The following GRIP1 variants were observed in gnomAD, a reference collection of about 807,000 sequenced individuals.
GRIP1 encodes glutamate receptor interacting protein 1.
Under a neutral mutation model 129.9 loss-of-function variants are expected in GRIP1, and 45 were observed. The ratio of observed to expected loss-of-function variants is 0.35; its 90% CI spans 0.27 to 0.44. The LOEUF (loss-of-function observed/expected upper bound fraction) is 0.44, where lower values mean the gene tolerates loss of function less well. GRIP1 is among the 20% of genes least tolerant of loss of function. The probability of loss-of-function intolerance (pLI) is 1.00; values close to 1 mark genes in which losing one functional copy is unlikely to be tolerated. For missense variants in GRIP1, 1,196 were observed against 1,396.8 expected, an observed-to-expected ratio of 0.86 and a Z score of 2.29; for synonymous variants, 530 against 520.8, an observed-to-expected ratio of 1.02 and a Z score of -0.24.
chr12:66,545,186 T>C (rs966550151), intron 2 of GRIP1, among the ~76,000 whole-genome samples: 2 of 152,164 alleles, frequency 1.3e-5, no homozygotes, highest in Non-Finnish European at 2.9e-5. Context: ...AAATAAATGG[T>C]ATAGGTTTAC....
chr12:66,545,685 A>C (rs1565848210), intron 2 of GRIP1, among the ~76,000 whole-genome samples: 1 of 152,226 alleles, frequency 6.6e-6, no homozygotes, highest in Admixed American at 6.5e-5. Flanking sequence ...TTGGAGATAC[A>C]ACACTGAACA....
Position 66,381,817 on chromosome 12 carries a change from T to C in GRIP1, c.2465-2381A>G, listed in dbSNP as rs183463127. Reference sequence around the variant, plus strand: ...CTTAATAAGCACTATTAAATGATTATTGCATTACAACAAAGCAGAGAAAGA... The same window carrying C: ...CTTAATAAGCACTATTAAATGATTACTGCATTACAACAAAGCAGAGAAAGA... On this transcript the variant is annotated intron_variant, in intron 19 of 24. Transcript: ENST00000359742. Among the ~76,000 whole-genome samples the C allele has an allele frequency of 1.7e-3, 264 of 152,332 alleles. 3 individuals carry two copies. The highest frequency in any genetic ancestry group is 0.013 in the Admixed American group (193 of 15,298).
intron 1 of GRIP1, among the ~76,000 whole-genome samples, chr12:66,949,926 G>A (rs142359945): frequency 0.012 from 1,883 of 151,832 alleles, 44 homozygotes; most frequent in African/African-American, 0.043. Flanking sequence ...CCGCCACCAC[G>A]CCCGGCTAAT....
At chr12:67,038,374 C>T (rs1019820835) in intron 1 of GRIP1, among the ~76,000 whole-genome samples, 1 of 152,140 alleles carries the variant, frequency 6.6e-6, no homozygotes, top group Non-Finnish European at 1.5e-5. Flanking sequence ...AAACTGAATT[C>T]CAATTGGTGT....
chr12:66,587,466 G>C (rs548720038), intron 2 of GRIP1, among the ~76,000 whole-genome samples: 2 of 152,360 alleles, frequency 1.3e-5, no homozygotes, highest in African/African-American at 2.4e-5. Flanking sequence ...CCTTAGGCCA[G>C]GCATTCAATG....
At chr12:67,057,319 C>A (rs1050664028) in intron 1 of GRIP1, among the ~76,000 whole-genome samples, 2 of 151,984 alleles carry the variant, frequency 1.3e-5, no homozygotes, top group African/African-American at 2.4e-5. Context: ...CTCTGCACTA[C>A]ACCTACCAAG....
rs569801376 is a variant in GRIP1 at position 66,574,730 on chromosome 12, A to G, written c.136+22117T>C. On this transcript the variant is annotated intron_variant, in intron 2 of 24. Coordinates refer to ENST00000359742, the MANE Select transcript of GRIP1 (RefSeq NM_001366722.1). ...CCAGTTCTGCCCACTTTCATGGTCA[A>G]CTCCACTCTACTTGTCCTCTTGCAG... is the stretch of plus-strand genomic sequence containing the variant. Among the ~76,000 whole-genome samples, 10 of 150,164 alleles carry G rather than the reference A, an allele frequency of 6.7e-5. No individual in the cohort carries two copies. The East Asian group carries it at 1.4e-3, about 21-fold the overall frequency.
At chr12:66,443,989 T>C (rs957308647) in intron 13 of GRIP1, among the ~76,000 whole-genome samples, 1 of 152,224 alleles carries the variant, frequency 6.6e-6, no homozygotes, top group African/African-American at 2.4e-5. Context: ...CTGAAGAATA[T>C]GGTTTCTCTA....
intron 1 of GRIP1, among the ~76,000 whole-genome samples, chr12:66,633,601 T>G (rs1320264610): frequency 6.6e-6 from 1 of 152,136 alleles, no homozygotes; most frequent in Non-Finnish European, 1.5e-5. Flanking sequence ...TTTTAGTCAG[T>G]AAAGACATGG....
intron 1 of GRIP1, among the ~76,000 whole-genome samples, chr12:66,621,397 T>C (rs972275691): frequency 6.6e-6 from 1 of 152,332 alleles, no homozygotes; most frequent in South Asian, 2.1e-4. Flanking sequence ...CTTAGCATAA[T>C]GTCTTCCAAG....
intron 19 of GRIP1, among the ~76,000 whole-genome samples, chr12:66,391,838 G>A (rs1264889226): frequency 6.6e-6 from 1 of 151,958 alleles, no homozygotes; most frequent in Non-Finnish European, 1.5e-5. Context: ...GTGACAGAGT[G>A]AGACCCAGTC....
intron 2 of GRIP1, among the ~76,000 whole-genome samples, chr12:66,566,617 T>C (rs550444567): frequency 6.6e-6 from 1 of 152,312 alleles, no homozygotes; most frequent in South Asian, 2.1e-4. Flanking sequence ...GGCTTTGGTA[T>C]CAGGATGATG....
intron 1 of GRIP1, among the ~76,000 whole-genome samples, chr12:66,872,884 G>C (rs997561781): frequency 2.2e-4 from 33 of 152,056 alleles, no homozygotes; most frequent in Admixed American, 1.8e-3. Flanking sequence ...TCAGGAAATT[G>C]GATGGGACAC....
At chr12:66,904,974 C>T (rs2040906935) in intron 1 of GRIP1, among the ~76,000 whole-genome samples, 1 of 152,080 alleles carries the variant, frequency 6.6e-6, no homozygotes, top group Admixed American at 6.6e-5. Flanking sequence ...AGATTGGCTA[C>T]TTCTATGGTG....
chr12:66,686,055 T>C (rs1417075116), intron 1 of GRIP1, among the ~76,000 whole-genome samples: 1 of 152,200 alleles, frequency 6.6e-6, no homozygotes, highest in Admixed American at 6.5e-5. Flanking sequence ...AGGACGCTCA[T>C]AAATTACTTT....
At chr12:66,831,614 T>G (rs2039519999) in intron 1 of GRIP1, among the ~76,000 whole-genome samples, 1 of 152,156 alleles carries the variant, frequency 6.6e-6, no homozygotes, top group South Asian at 2.1e-4. Flanking sequence ...AAACTGAAAC[T>G]CTGAGAGGTT....
chr12:66,859,136 C>G (rs570060149), intron 1 of GRIP1, among the ~76,000 whole-genome samples: 4 of 151,674 alleles, frequency 2.6e-5, no homozygotes, highest in African/African-American at 9.7e-5. Flanking sequence ...GTGAATTCAC[C>G]ATTGATATCA....
intron 19 of GRIP1, among the ~76,000 whole-genome samples, chr12:66,381,768 G>T (rs1447623196): frequency 6.6e-6 from 1 of 152,194 alleles, no homozygotes; most frequent in Admixed American, 6.5e-5. Flanking sequence ...AAAGGCATGT[G>T]TATCTCTAAT....
At chr12:67,021,858 T>G (rs947636299) in intron 1 of GRIP1, among the ~76,000 whole-genome samples, 5 of 152,172 alleles carry the variant, frequency 3.3e-5, no homozygotes, top group African/African-American at 1.2e-4. Context: ...TCTACTTCTA[T>G]GAGATCAACT....
Sources: gnomAD v4.1 joint callset for allele counts (sites outside exome capture counted in the v4.1 genomes callset) on GRCh38, gnomAD v4.1.1 for gene constraint, MANE v1.5 for transcripts, NCBI Gene and HGNC (gene_info 2026-07-23, HGNC 2026-07-21) for gene names.